The following PLA2G2E variants were observed in gnomAD, a reference collection of about 807,000 sequenced individuals.
PLA2G2E encodes group IIE secretory phospholipase A2.
A neutral mutation model predicts 16.5 loss-of-function variants in PLA2G2E; 14 were observed. The observed-to-expected ratio is 0.85, with a 90% confidence interval of 0.56 to 1.33. PLA2G2E has a LOEUF of 1.33. Ranked by LOEUF, PLA2G2E falls within the 40% of genes most tolerant of loss-of-function variation. PLA2G2E has a pLI of 0.00. For missense variants in PLA2G2E, 174 were observed against 190.7 expected (o/e 0.91, Z 0.52); for synonymous variants, 72 against 77.2 (o/e 0.93, Z 0.36).
At chr1:19,922,586 A>T (rs753057622) in intron 2 of PLA2G2E, 31 bp downstream of exon 2, 1 of 1,612,016 alleles carries the variant, frequency 6.2e-7, no homozygotes, top group Non-Finnish European at 8.5e-7. Context: ...CTCCATCCCC[A>T]TGGAGGTCCC....
At position 19,922,446 on chromosome 1, in the gene PLA2G2E, G is replaced by A. The variant is rs766582490; in HGVS notation, c.180-42C>T. The A allele has an allele frequency of 3.8e-6, 6 of 1,588,754 alleles. No individual in the cohort carries two copies. The Admixed American group carries it at 1.0e-4, about 27-fold the overall frequency. On this transcript the variant is annotated intron_variant, in intron 2 of 3. Transcript: ENST00000375116. The stretch of plus-strand genomic sequence containing the variant: ...TGACCTGGAGGGACCTGTGAGCCAG[G>A]CTGGGCTGGACCAGGGGCTGCTCGG...
Position 19,920,275 on chromosome 1 carries a change from C to T in PLA2G2E, c.*32G>A, listed in dbSNP as rs746770411. On this transcript the variant is annotated 3_prime_UTR_variant, in exon 4 of 4. Coordinates refer to ENST00000375116, the MANE Select transcript of PLA2G2E (RefSeq NM_014589.3). This position sits in a 1 kb window ranked among gnomAD's most constrained non-coding sequence, Gnocchi z 4.3. ...GGACTACAGCAGCCCGAGGCGGGAC[C>T]TCCAGGGACGGGGGGGAGGCCGAGC... The T allele has an allele frequency of 7.5e-6, 12 of 1,598,002 alleles. No individual in the cohort carries two copies. In the South Asian group the frequency reaches 1.3e-4, roughly 18 times the overall value.
At chr1:19,922,574 T>G in intron 2 of PLA2G2E, 43 bp downstream of exon 2, 1 of 1,605,172 alleles carries the variant, frequency 6.2e-7, no homozygotes, top group Non-Finnish European at 8.5e-7. Context: ...ATCCCCCAGC[T>G]CCTCCATCCC....
chr1:19,921,771 C>T (rs961471076), intron 3 of PLA2G2E, among the ~76,000 whole-genome samples: 2 of 152,214 alleles, frequency 1.3e-5, no homozygotes, highest in Non-Finnish European at 2.9e-5. Flanking sequence ...TTGGTTGAGG[C>T]TGCTTGCCTG....
intron 3 of PLA2G2E, 145 bp downstream of exon 3, chr1:19,922,153 G>A (rs1108972): frequency 0.13 from 79,009 of 616,188 alleles, 5,334 homozygotes; most frequent in Admixed American, 0.18. Flanking sequence ...CCACTGTTAC[G>A]TGGTAACGGG....
In PLA2G2E at chr1:19,922,299, G is replaced by A. The variant is rs374893489; in HGVS notation, c.285C>T (p.Cys95=). The change falls in exon 3 of 4, where the codon TGC becomes TGT. Residue 95 remains cysteine (C), a splice_region_variant and synonymous_variant. Coordinates refer to ENST00000375116, the MANE Select transcript of PLA2G2E (RefSeq NM_014589.3). The stretch of plus-strand genomic sequence containing the variant: ...GTCACTTCAGGGCTCTCCACCTACC[G>A]CAGAAAATGCCACGTTCGCTGACAG... The part of the protein sequence containing the change: ...LFSVSERGIF[C]AGRTTCQRLT... 1.2e-5 allele frequency: 19 copies of A among 1,611,036 alleles called. No individual in the cohort carries two copies. Among genetic ancestry groups the A allele is most frequent in the East Asian group, 2.2e-5 (1 of 44,878 alleles).
At position 19,920,363 on chromosome 1, in the gene PLA2G2E, G is replaced by A. The variant is rs766115475; in HGVS notation, c.373C>T (p.Arg125Cys). ...CFRRNLGTYNRKYAHYPNKLC... is the reference protein window; with the variant it reads ...CFRRNLGTYNCKYAHYPNKLC... ...TTGTTGGGATAATGGGCATATTTGC[G>A]GTTGTAGGTGCCCAGGTTGCGGCGA... Residue 125 changes from arginine (R) to cysteine (C), a missense_variant, in exon 4 of 4, where the codon CGC (arginine) becomes TGC (cysteine). Arg to Cys is a radical substitution (Grantham distance 180, BLOSUM62 -3). Coordinates refer to ENST00000375116, the MANE Select transcript of PLA2G2E (RefSeq NM_014589.3). The surrounding 1 kb of genome is among the most constrained non-coding windows in gnomAD (Gnocchi z 4.3). 5.0e-6 allele frequency: 8 copies of A among 1,613,794 alleles called. No individual in the cohort carries two copies. The highest frequency in any genetic ancestry group is 1.3e-5 in the African/African-American group (1 of 75,034).
In PLA2G2E at chr1:19,920,598, A is replaced by G. The variant is rs1396686715; in HGVS notation, c.287-149T>C. 8 of 737,774 alleles carry G rather than the reference A, an allele frequency of 1.1e-5. No homozygotes were observed. The highest frequency in any genetic ancestry group is 2.8e-5 in the Admixed American group (1 of 35,948). 45.7% of individuals were successfully genotyped at this position (737,774 alleles called of 1,614,324 possible). Reference sequence around the variant, plus strand: ...CCGGGTTGTTTCACGGATGGGTGAGACAAGAGACAAGGGCGGGGCGCACTG... The same window carrying G: ...CCGGGTTGTTTCACGGATGGGTGAGGCAAGAGACAAGGGCGGGGCGCACTG... On this transcript the variant is annotated intron_variant, in intron 3 of 3. Transcript: ENST00000375116. The surrounding 1 kb of genome is among the most constrained non-coding windows in gnomAD (Gnocchi z 4.3).
intron 3 of PLA2G2E, among the ~76,000 whole-genome samples, chr1:19,921,364 A>G (rs1467290903): frequency 6.6e-6 from 1 of 152,188 alleles, no homozygotes; most frequent in Non-Finnish European, 1.5e-5. Context: ...AGGTGAGGAA[A>G]CAGAGGCTTT....
chr1:19,922,752 G>A lies in PLA2G2E; in HGVS notation c.44C>T (p.Ala15Val). 1 of 1,612,760 alleles carries A rather than the reference G, an allele frequency of 6.2e-7. No homozygotes were observed. The highest frequency in any genetic ancestry group is 8.5e-7 in the Non-Finnish European group (1 of 1,179,850). The change falls in exon 2 of 4, where the codon GCT becomes GTT. Residue 15 changes from alanine to valine, a missense_variant. By Grantham distance (64) the Ala-to-Val change is moderately conservative. Transcript: ENST00000375116. ...CTGAACCAGGTTCCCGGTGACCAGAGCCACTGCAGAGAGGGAGAGGGAGAG... is the reference window on the plus strand; with the variant it reads ...CTGAACCAGGTTCCCGGTGACCAGAACCACTGCAGAGAGGGAGAGGGAGAG... Reference protein sequence around the residue: ...HVLVFLCLLVALVTGNLVQFG... With the variant: ...HVLVFLCLLVVLVTGNLVQFG...
Position 19,923,533 on chromosome 1 carries a change from G to A in PLA2G2E, c.27C>T (p.Phe9=). ...AAGATCACTTACCCAGGAGGCAAAG[G>A]AACACCAGCACGTGGGGAGATTTCA... MKSPHVLV[F]LCLLVALVTG... Residue 9 remains phenylalanine, a synonymous_variant, in exon 1 of 4, where the codon TTC becomes TTT. Coordinates refer to ENST00000375116, the MANE Select transcript of PLA2G2E (RefSeq NM_014589.3). 6.4e-7 allele frequency: 1 copy of A among 1,550,806 alleles called. No homozygotes were observed. Among genetic ancestry groups the A allele is most frequent in the South Asian group, 1.2e-5 (1 of 83,544 alleles).
intron 2 of PLA2G2E, 90 bp downstream of exon 2, chr1:19,922,527 C>T (rs1342103532): frequency 2.6e-6 from 4 of 1,565,478 alleles, no homozygotes; most frequent in African/African-American, 2.7e-5. Context: ...TTCCAGGTGC[C>T]CCCAGGCTTC....
intron 3 of PLA2G2E, among the ~76,000 whole-genome samples, chr1:19,921,914 G>GTAA: frequency 6.6e-6 from 1 of 152,246 alleles, no homozygotes; most frequent in African/African-American, 2.4e-5. Context: ...CCCAGTCAAA[G>GTAA]CCCCAGCTCG....
At chr1:19,922,253 A>G in intron 3 of PLA2G2E, 45 bp downstream of exon 3, 5 of 1,383,314 alleles carry the variant, frequency 3.6e-6, no homozygotes, top group Non-Finnish European at 5.1e-6. Flanking sequence ...GCCTCCACCC[A>G]CCTCACCGCA....
chr1:19,922,388 C>T lies in PLA2G2E; in HGVS notation c.196G>A (p.Asp66Asn), dbSNP rs778239539. 7 of 1,613,838 alleles carry T rather than the reference C, an allele frequency of 4.3e-6. No individual in the cohort carries two copies. Among genetic ancestry groups the T allele is most frequent in the East Asian group, 2.2e-5 (1 of 44,866 alleles). Reference sequence around the variant, plus strand: ...TTCTCCAGACGCCCGTAGCAGCAGTCGTGGGCGTGGCAGCACCTGTAAGGG... The same window carrying T: ...TTCTCCAGACGCCCGTAGCAGCAGTTGTGGGCGTGGCAGCACCTGTAAGGG... ...DQTDWCCHAHDCCYGRLEKLG... is the reference protein window; with the variant it reads ...DQTDWCCHAHNCCYGRLEKLG... Residue 66 changes from aspartate to asparagine, a missense_variant, in exon 3 of 4, where the codon GAC (aspartate) becomes AAC (asparagine). Transcript: ENST00000375116.
In PLA2G2E at chr1:19,920,738, C is replaced by G. The variant is rs1330339234; in HGVS notation, c.287-289G>C. ...GGCCTTAGGGACACCACGTGGTTCC[C>G]TAACTCTCACTGCCCCCGACCAGGG... On this transcript the variant is annotated intron_variant, in intron 3 of 3. Coordinates refer to ENST00000375116, the MANE Select transcript of PLA2G2E (RefSeq NM_014589.3). The surrounding 1 kb of genome is among the most constrained non-coding windows in gnomAD (Gnocchi z 4.3). 6.6e-6 allele frequency among the ~76,000 whole-genome samples: 1 copy of G among 152,130 alleles called. No homozygotes were observed. The highest frequency in any genetic ancestry group is 1.5e-5 in the Non-Finnish European group (1 of 68,024).
Position 19,920,781 on chromosome 1 carries a change from C to T in PLA2G2E, c.287-332G>A, listed in dbSNP as rs2045808115. Among the ~76,000 whole-genome samples the T allele has an allele frequency of 6.6e-6, 1 of 152,172 alleles. No individual in the cohort carries two copies. Among genetic ancestry groups the T allele is most frequent in the African/African-American group, 2.4e-5 (1 of 41,440 alleles). On this transcript the variant is annotated intron_variant, in intron 3 of 3. Transcript: ENST00000375116. The surrounding 1 kb of genome is among the most constrained non-coding windows in gnomAD (Gnocchi z 4.3). ...GACCAGGGGGATTTCTAGGCAACCC[C>T]TGCACCCCTGTGTGATGCGTTGCTG...
rs142945210 is a variant in PLA2G2E at position 19,920,284 on chromosome 1, C to CG, written c.*22dup. 0.012 allele frequency: 18,886 copies of CG among 1,600,042 alleles called. 146 individuals carry two copies. Among genetic ancestry groups the CG allele is most frequent in the East Asian group, 0.014 (636 of 44,750 alleles). On this transcript the variant is annotated 3_prime_UTR_variant, in exon 4 of 4. Coordinates refer to ENST00000375116, the MANE Select transcript of PLA2G2E (RefSeq NM_014589.3). The surrounding 1 kb of genome is among the most constrained non-coding windows in gnomAD (Gnocchi z 4.3). Reference sequence around the variant, plus strand: ...CAGCCCGAGGCGGGACCTCCAGGGACGGGGGGGAGGCCGAGCATAGCCTCA... The same window carrying CG: ...CAGCCCGAGGCGGGACCTCCAGGGACGGGGGGGGAGGCCGAGCATAGCCTCA...
At chr1:19,923,215 A>G (rs1571199799) in intron 1 of PLA2G2E, among the ~76,000 whole-genome samples, 1 of 152,146 alleles carries the variant, frequency 6.6e-6, no homozygotes, top group African/African-American at 2.4e-5. Flanking sequence ...AATCCTGCCC[A>G]CCTTGGCAGG....
Sources: gnomAD v4.1 joint callset for allele counts (sites outside exome capture counted in the v4.1 genomes callset) on GRCh38, gnomAD v4.1.1 for gene constraint, Gnocchi (gnomAD v3.1) non-coding constraint, MANE v1.5 for transcripts, NCBI Gene and HGNC (gene_info 2026-07-23, HGNC 2026-07-21) for gene names.